Variants in LYN observed in about 807,000 individuals in gnomAD.
The protein encoded by LYN is tyrosine-protein kinase Lyn.
In LYN, 12 loss-of-function variants were observed where a neutral mutation model predicts 65.0. That is an observed-to-expected ratio of 0.18 (90% CI 0.12 to 0.30). The LOEUF (loss-of-function observed/expected upper bound fraction) is 0.30. LYN is among the 10% of genes least tolerant of loss of function. The pLI is 1.00. For synonymous variants in LYN, 222 were observed against 221.2 expected, an observed-to-expected ratio of 1.00 and a Z score of -0.03; for missense variants, 380 against 623.2, an observed-to-expected ratio of 0.61 and a Z score of 4.16.
rs1262301657 is a variant in LYN, at chr8:56,012,724, A to G, written c.*2614A>G. 3 of 152,820 alleles carry G rather than the reference A, an allele frequency of 2.0e-5. No homozygotes were observed. Among genetic ancestry groups the G allele is most frequent in the Non-Finnish European group, 4.4e-5 (3 of 68,626 alleles). The allele number at this position is 152,820 out of a possible 1,614,324, so 9.5% of individuals were successfully genotyped here. On this transcript the variant is annotated 3_prime_UTR_variant, in exon 13 of 13. Transcript: ENST00000519728. ...AGAGTGAGACCCTGTCTCAAAAAAA[A>G]AAACCAAAAAAACAAAAAAACCCTT... is the stretch of plus-strand genomic sequence containing the variant.
At chr8:55,931,600 C>A (rs1806272674) in intron 1 of LYN, among the ~76,000 whole-genome samples, 1 of 151,800 alleles carries the variant, frequency 6.6e-6, no homozygotes, top group Admixed American at 6.6e-5. Flanking sequence ...TCATTTGTAC[C>A]TTTTCCCTCA....
chr8:55,947,511 C>T (rs2130486023), intron 3 of LYN, 107 bp from the exon 4 acceptor site: 2 of 765,074 alleles, frequency 2.6e-6, no homozygotes, highest in South Asian at 1.5e-5. Context: ...GTCCTTCTTC[C>T]AGTTGCCCCC....
chr8:55,944,054 A>G (rs985930341), intron 2 of LYN, among the ~76,000 whole-genome samples: 2 of 152,094 alleles, frequency 1.3e-5, no homozygotes, highest in African/African-American at 4.8e-5. Flanking sequence ...ACGCCACTGC[A>G]CTCCAGCCTG....
At chr8:56,006,173 A>C (rs1020857263) in intron 12 of LYN, among the ~76,000 whole-genome samples, 1 of 152,016 alleles carries the variant, frequency 6.6e-6, no homozygotes, top group Non-Finnish European at 1.5e-5. Flanking sequence ...AAGTGAAAAA[A>C]TTTTCTGAAG....
intron 2 of LYN, among the ~76,000 whole-genome samples, chr8:55,944,038 G>A (rs927626013): frequency 3.3e-5 from 5 of 152,006 alleles, no homozygotes; most frequent in Non-Finnish European, 5.9e-5. Context: ...GCAGTGAGCC[G>A]AGATCACGCC....
chr8:55,974,771 T>G (rs927029267), intron 10 of LYN, among the ~76,000 whole-genome samples: 1 of 152,222 alleles, frequency 6.6e-6, no homozygotes, highest in African/African-American at 2.4e-5. Flanking sequence ...GTGAATCAAC[T>G]GCTTTATCTT....
chr8:55,917,510 C>T (rs1357226374), intron 1 of LYN, among the ~76,000 whole-genome samples: 1 of 152,174 alleles, frequency 6.6e-6, no homozygotes, highest in African/African-American at 2.4e-5. Context: ...ATCCTGGATA[C>T]ACTAACAGCA....
In LYN at chr8:56,011,973, G is replaced by GT. The variant is rs149548101; in HGVS notation, c.*1873dup. 3.2e-3 allele frequency: 554 copies of GT among 175,038 alleles called. No homozygotes were observed. The highest frequency in any genetic ancestry group is 8.1e-3 in the Middle Eastern group (4 of 494). The allele number at this position is 175,038 out of a possible 1,614,324, so 10.8% of individuals were successfully genotyped here. A position where few individuals can be genotyped will look rare whatever the true frequency, so the allele number is the denominator to read the frequency against. On this transcript the variant is annotated 3_prime_UTR_variant, in exon 13 of 13. Transcript: ENST00000519728. ...AGAAGTCTCTAGAAAATGACTAGAG[G>GT]TTTTTTTTTTAGCATAACAAATTTA...
chr8:55,901,193 G>A (rs1805250818), intron 1 of LYN, among the ~76,000 whole-genome samples: 1 of 152,028 alleles, frequency 6.6e-6, no homozygotes, highest in Non-Finnish European at 1.5e-5. Context: ...TTTATGAATA[G>A]ATGTTTCCAC....
intron 10 of LYN, among the ~76,000 whole-genome samples, chr8:55,997,901 G>T (rs1160396664): frequency 6.6e-6 from 1 of 152,090 alleles, no homozygotes; most frequent in African/African-American, 2.4e-5. Flanking sequence ...TGGCTAACAT[G>T]GTGAAACCCC....
At chr8:55,991,975 C>T (rs781467342) in intron 10 of LYN, among the ~76,000 whole-genome samples, 5 of 152,222 alleles carry the variant, frequency 3.3e-5, no homozygotes, top group Non-Finnish European at 7.3e-5. Context: ...TCACTGACAT[C>T]GTCTCTTTAC....
chr8:55,972,631 G>A (rs1484938508), intron 10 of LYN, among the ~76,000 whole-genome samples: 1 of 152,048 alleles, frequency 6.6e-6, no homozygotes. Context: ...TGCCAAGAAG[G>A]CCATCTCTGC....
chr8:55,996,501 C>T (rs1056569251), intron 10 of LYN, among the ~76,000 whole-genome samples: 4 of 152,214 alleles, frequency 2.6e-5, no homozygotes, highest in Non-Finnish European at 5.9e-5. Context: ...TCTCTAACTG[C>T]TTACCAGATA....
At chr8:55,883,568 T>A (rs1269864382) in intron 1 of LYN, among the ~76,000 whole-genome samples, 1 of 152,240 alleles carries the variant, frequency 6.6e-6, no homozygotes, top group East Asian at 1.9e-4. Flanking sequence ...GCTTAATGGT[T>A]AATACAGAAG....
intron 6 of LYN, among the ~76,000 whole-genome samples, chr8:55,951,492 C>T (rs1283185862): frequency 2.0e-5 from 3 of 151,906 alleles, no homozygotes; most frequent in Non-Finnish European, 4.4e-5. Context: ...TAGCAAGAGC[C>T]TGTTTCTATA....
At chr8:55,978,048 G>A (rs965892503) in intron 10 of LYN, among the ~76,000 whole-genome samples, 3 of 152,166 alleles carry the variant, frequency 2.0e-5, no homozygotes. Context: ...CCTCACTAAA[G>A]CCAAGAAGCA....
At chr8:55,977,254 G>A (rs552466072) in intron 10 of LYN, among the ~76,000 whole-genome samples, 10 of 152,252 alleles carry the variant, frequency 6.6e-5, no homozygotes, top group Non-Finnish European at 1.0e-4. Context: ...AAACTGTTTT[G>A]TAGATAACTC....
At chr8:55,974,080 A>G (rs925408500) in intron 10 of LYN, among the ~76,000 whole-genome samples, 14 of 152,358 alleles carry the variant, frequency 9.2e-5, no homozygotes, top group Admixed American at 2.6e-4. Flanking sequence ...TTTGTTGTTT[A>G]GTACCTCTTA....
intron 10 of LYN, among the ~76,000 whole-genome samples, chr8:55,979,322 G>A (rs1807853140): frequency 2.0e-5 from 3 of 152,124 alleles, no homozygotes; most frequent in African/African-American, 2.4e-5. Context: ...GATTACAGGC[G>A]TCAGCCACCG....
Sources: allele counts gnomAD v4.1 joint callset (sites outside exome capture counted in the v4.1 genomes callset), GRCh38; gene constraint gnomAD v4.1.1; transcripts MANE v1.5; gene names NCBI Gene and HGNC (gene_info 2026-07-23, HGNC 2026-07-21).